TIRAP: variants seen among roughly 807,000 people sequenced by gnomAD.
TIRAP encodes toll/interleukin-1 receptor domain-containing adapter protein.
TIRAP carries 20 observed loss-of-function variants against 19.8 expected under a neutral mutation model. The ratio of observed to expected loss-of-function variants is 1.01; its 90% CI spans 0.71 to 1.47. The LOEUF is 1.47. Ranked by LOEUF, TIRAP falls within the 40% of genes most tolerant of loss-of-function variation. The probability of loss-of-function intolerance (pLI) is 0.00; values close to 1 mark genes in which losing one functional copy is unlikely to be tolerated. For missense variants in TIRAP, 276 were observed against 285.1 expected (o/e 0.97, Z 0.23); for synonymous variants, 125 against 121.7 (o/e 1.03, Z -0.18).
Position 126,290,760 on chromosome 11 carries a change from G to A in TIRAP, c.-92-43G>A, listed in dbSNP as rs1354848681. On this transcript the variant is annotated intron_variant, in intron 2 of 4. Transcript: ENST00000392679. This position sits in a 1 kb window ranked among gnomAD's most constrained non-coding sequence, Gnocchi z 4.9. ...GCTCATCCATGGGGAATGAGAGCAG[G>A]GTAAGTGCAGCCTTTGTGATTCTCT... The A allele has an allele frequency of 2.1e-6, 3 of 1,462,248 alleles. No individual in the cohort carries two copies. Among genetic ancestry groups the A allele is most frequent in the Non-Finnish European group, 2.7e-6 (3 of 1,111,128 alleles). The allele number at this position is 1,462,248 out of a possible 1,614,324, so 90.6% of individuals were successfully genotyped here. A position where few individuals can be genotyped will look rare whatever the true frequency, so the allele number is the denominator to read the frequency against.
intron 1 of TIRAP, among the ~76,000 whole-genome samples, chr11:126,286,805 T>G (rs1388858198): frequency 6.6e-6 from 1 of 152,196 alleles, no homozygotes; most frequent in African/African-American, 2.4e-5. Flanking sequence ...GCCACAAACT[T>G]AGTGGCCTCA....
At position 126,293,868 on chromosome 11, in the gene TIRAP, C is replaced by T. The variant is rs1036978594; in HGVS notation, c.*181C>T. 1.6e-5 allele frequency: 11 copies of T among 688,722 alleles called. No homozygotes were observed. The highest frequency in any genetic ancestry group is 2.5e-5 in the Non-Finnish European group (10 of 392,182). The allele number at this position is 688,722 out of a possible 1,614,324, so 42.7% of individuals were successfully genotyped here. A position where few individuals can be genotyped will look rare whatever the true frequency, so the allele number is the denominator to read the frequency against. The stretch of plus-strand genomic sequence containing the variant: ...CATTACTGTGGGCTCCCTAAGAAGA[C>T]CATGGAGAGCTTGGGGACTCCCCCA... On this transcript the variant is annotated 3_prime_UTR_variant, in exon 5 of 5. Coordinates refer to ENST00000392679, the MANE Select transcript of TIRAP (RefSeq NM_001318777.2).
In TIRAP at chr11:126,290,541, G is replaced by A; in HGVS notation, c.-137G>A. The A allele has an allele frequency of 9.7e-7, 1 of 1,028,656 alleles. No homozygotes were observed. Among genetic ancestry groups the A allele is most frequent in the Admixed American group, 5.8e-5 (1 of 17,328 alleles). The allele number at this position is 1,028,656 out of a possible 1,614,324, so 63.7% of individuals were successfully genotyped here. On this transcript the variant is annotated 5_prime_UTR_variant, in exon 2 of 5. Coordinates refer to ENST00000392679, the MANE Select transcript of TIRAP (RefSeq NM_001318777.2). The surrounding 1 kb of genome is among the most constrained non-coding windows in gnomAD (Gnocchi z 4.9). ...TCCCGAATATCCTCCTGGCCAGGTG[G>A]AGCAGAGAACAGTTCCTCAGCTGGT...
Position 126,292,526 on chromosome 11 carries a change from C to T in TIRAP, c.117C>T (p.Ser39=). 2 of 1,614,022 alleles carry T rather than the reference C, an allele frequency of 1.2e-6. No individual in the cohort carries two copies. Among genetic ancestry groups the T allele is most frequent in the Non-Finnish European group, 1.7e-6 (2 of 1,179,992 alleles). Reference sequence around the variant, plus strand: ...AGAAGCCCAAGAAGAGGCCCAACTCCCCAGAAAGCACCTCCAGCGATGCTT... The same window carrying T: ...AGAAGCCCAAGAAGAGGCCCAACTCTCCAGAAAGCACCTCCAGCGATGCTT... The part of the protein sequence containing the change: ...LLKKPKKRPN[S]PESTSSDASQ... Residue 39 remains serine, a synonymous_variant, in exon 4 of 5, where the codon TCC becomes TCT. Coordinates refer to ENST00000392679, the MANE Select transcript of TIRAP (RefSeq NM_001318777.2).
chr11:126,292,280 G>T (rs994487842), intron 3 of TIRAP, among the ~76,000 whole-genome samples, 197 bp from the exon 4 acceptor site: 2 of 145,196 alleles, frequency 1.4e-5, no homozygotes, highest in Admixed American at 7.1e-5. Flanking sequence ...CTCCAGCCTG[G>T]GTGAGAGTGA....
rs1951329562 is a variant in TIRAP at position 126,287,008 on chromosome 11, A to AACC, written c.-216-3454_-216-3453insACC. On this transcript the variant is annotated intron_variant, in intron 1 of 4. Transcript: ENST00000392679. This position sits in a 1 kb window ranked among gnomAD's most constrained non-coding sequence, Gnocchi z 4.2. ...ACCTTCCTGCCTCCCTCTTGAAAGG[A>AACC]TCTTTGTGGTTACATTAAACTCACC... Among the ~76,000 whole-genome samples the AACC allele has an allele frequency of 6.6e-6, 1 of 152,116 alleles. No individual in the cohort carries two copies. Among genetic ancestry groups the AACC allele is most frequent in the Admixed American group, 6.6e-5 (1 of 15,266 alleles).
intron 1 of TIRAP, among the ~76,000 whole-genome samples, chr11:126,285,243 G>GTGTGTGTGTGTATATA: frequency 6.6e-4 from 71 of 106,976 alleles, no homozygotes; most frequent in African/African-American, 1.9e-3. Flanking sequence ...GTGTGTGTGT[G>GTGTGTGTGTGTATATA]TATATATATA....
Position 126,292,581 on chromosome 11 carries a change from C to A in TIRAP, c.172C>A (p.Pro58Thr). Residue 58 changes from proline (P) to threonine (T), a missense_variant, in exon 4 of 5, where the codon CCC becomes ACC. Physicochemically the swap from Pro to Thr is conservative, Grantham distance 38 (BLOSUM62 -1). Coordinates refer to ENST00000392679, the MANE Select transcript of TIRAP (RefSeq NM_001318777.2). ...GCCTACCTCACAGGACAGCCCACTA[C>A]CCCCAAGCCTCAGCTCAGTCACGTC... Reference protein sequence around the residue: ...SQPTSQDSPLPPSLSSVTSPS... With the variant: ...SQPTSQDSPLTPSLSSVTSPS... The A allele has an allele frequency of 1.9e-6, 3 of 1,614,186 alleles. No homozygotes were observed. Among genetic ancestry groups the A allele is most frequent in the Non-Finnish European group, 2.5e-6 (3 of 1,180,022 alleles).
Position 126,292,475 on chromosome 11 carries a change from A to G in TIRAP, c.68-2A>G. 1 of 1,613,664 alleles carries G rather than the reference A, an allele frequency of 6.2e-7. No individual in the cohort carries two copies. The highest frequency in any genetic ancestry group is 8.5e-7 in the Non-Finnish European group (1 of 1,179,888). ...GGCCTGAGCAGTGTTTCTCCCCCAC[A>G]GACTGGTTCAGGCAGACCCTGCTGA... is the stretch of plus-strand genomic sequence containing the variant. On this transcript the variant is annotated splice_acceptor_variant, in intron 3 of 4. Transcript: ENST00000392679. LOFTEE classifies it high-confidence loss of function.
chr11:126,285,260 T>TAAAA lies in TIRAP; in HGVS notation c.-217+2109_-217+2110insAAAA, dbSNP rs553242305. Among the ~76,000 whole-genome samples the TAAAA allele has an allele frequency of 1.1e-4, 15 of 135,454 alleles. 1 individual carries two copies. The Admixed American group carries it at 1.1e-3, about 10-fold the overall frequency. The allele number at this position is 135,454 out of a possible 152,430, so 88.9% of individuals were successfully genotyped here. A position where few individuals can be genotyped will look rare whatever the true frequency, so the allele number is the denominator to read the frequency against. On this transcript the variant is annotated intron_variant, in intron 1 of 4. Transcript: ENST00000392679. ...GTGTGTGTGTATATATATATATATATAATATATATTTTATTTGATTTTTGA... is the reference window on the plus strand; with the variant it reads ...GTGTGTGTGTATATATATATATATATAAAAAATATATATTTTATTTGATTTTTGA...
At chr11:126,293,542 G>T (rs546213168) in intron 4 of TIRAP, 126 bp from the exon 5 acceptor site, 194 of 1,108,128 alleles carry the variant, frequency 1.8e-4, no homozygotes, top group Non-Finnish European at 2.3e-4. Flanking sequence ...TGTATCTGGG[G>T]AGGGCCATGC....
rs1176586665 is a variant in TIRAP, at chr11:126,292,904, G to T, written c.495G>T (p.Leu165=). The T allele has an allele frequency of 6.2e-7, 1 of 1,613,704 alleles. No individual in the cohort carries two copies. Among genetic ancestry groups the T allele is most frequent in the East Asian group, 2.2e-5 (1 of 44,880 alleles). ...GCAAGTACCAGATGCTGCAGGCCCT[G>T]ACCGAGGCTCCAGGGGCCGAGGGCT... ...PWCKYQMLQA[L]TEAPGAEGCT... is the part of the protein sequence containing the mutation. Residue 165 remains leucine (L), a synonymous_variant, in exon 4 of 5, where the codon CTG becomes CTT. Transcript: ENST00000392679.
Position 126,290,349 on chromosome 11 carries a change from GAA to G in TIRAP, c.-216-110_-216-109del. ...TATTCAGGGGGAGGCAGACTTGGAGGAAAAGTCTCCCAAGATTTCCTGCATGT... is the reference window on the plus strand; with the variant it reads ...TATTCAGGGGGAGGCAGACTTGGAGGAAGTCTCCCAAGATTTCCTGCATGT... On this transcript the variant is annotated intron_variant, in intron 1 of 4. Coordinates refer to ENST00000392679, the MANE Select transcript of TIRAP (RefSeq NM_001318777.2). The surrounding 1 kb of genome is among the most constrained non-coding windows in gnomAD (Gnocchi z 4.9). The G allele has an allele frequency of 3.6e-6, 3 of 836,798 alleles. No individual in the cohort carries two copies. Among genetic ancestry groups the G allele is most frequent in the Non-Finnish European group, 4.3e-6 (3 of 694,486 alleles). 51.8% of individuals were successfully genotyped at this position (836,798 alleles called of 1,614,324 possible). A position where few individuals can be genotyped will look rare whatever the true frequency, so the allele number is the denominator to read the frequency against.
intron 1 of TIRAP, chr11:126,289,845 T>G (rs1013893473): frequency 7.1e-6 from 7 of 985,358 alleles, no homozygotes; most frequent in African/African-American, 3.5e-5. Context: ...CAGGTTGCCT[T>G]TCTAAGGGAT....
Position 126,291,512 on chromosome 11 carries a change from C to A in TIRAP, c.67+551C>A. 1 of 931,388 alleles carries A rather than the reference C, an allele frequency of 1.1e-6. No homozygotes were observed. Among genetic ancestry groups the A allele is most frequent in the Non-Finnish European group, 1.5e-6 (1 of 659,060 alleles). The allele number at this position is 931,388 out of a possible 1,614,324, so 57.7% of individuals were successfully genotyped here. A position where few individuals can be genotyped will look rare whatever the true frequency, so the allele number is the denominator to read the frequency against. ...ACACTGCATTATCTCAGTTAACTTT[C>A]AGCAACTAAGACAGGTCCACAAGTC... On this transcript the variant is annotated intron_variant, in intron 3 of 4. Transcript: ENST00000392679. The surrounding 1 kb of genome is among the most constrained non-coding windows in gnomAD (Gnocchi z 5.6).
chr11:126,293,419 G>A (rs1352750870), intron 4 of TIRAP: 1 of 707,570 alleles, frequency 1.4e-6, no homozygotes, highest in Non-Finnish European at 2.6e-6. Flanking sequence ...ATAGCATTAG[G>A]TTTCTCTGAG....
In TIRAP at chr11:126,290,716, A is replaced by C; in HGVS notation, c.-92-87A>C. On this transcript the variant is annotated intron_variant, in intron 2 of 4. Coordinates refer to ENST00000392679, the MANE Select transcript of TIRAP (RefSeq NM_001318777.2). This position sits in a 1 kb window ranked among gnomAD's most constrained non-coding sequence, Gnocchi z 4.9. ...AGAAGCCTCTGTCAGGCATTAGGAG[A>C]GAAACAGAACTTCGCAGAGCTCATC... 1 of 1,384,966 alleles carries C rather than the reference A, an allele frequency of 7.2e-7. No homozygotes were observed. Among genetic ancestry groups the C allele is most frequent in the Non-Finnish European group, 9.3e-7 (1 of 1,072,922 alleles). The allele number at this position is 1,384,966 out of a possible 1,614,324, so 85.8% of individuals were successfully genotyped here.
chr11:126,289,367 C>T (rs1331034471), intron 1 of TIRAP, among the ~76,000 whole-genome samples: 1 of 152,182 alleles, frequency 6.6e-6, no homozygotes, highest in Admixed American at 6.5e-5. Flanking sequence ...CAACCTCCGC[C>T]TCCAGGTTCA....
At chr11:126,285,927 C>T (rs1226144083) in intron 1 of TIRAP, among the ~76,000 whole-genome samples, 1 of 151,366 alleles carries the variant, frequency 6.6e-6, no homozygotes, top group Admixed American at 6.6e-5. Context: ...TGGTGGCTCA[C>T]GTCTTTAATT....
Sources: allele counts gnomAD v4.1 joint callset (sites outside exome capture counted in the v4.1 genomes callset), GRCh38; gene constraint gnomAD v4.1.1; non-coding constraint Gnocchi (gnomAD v3.1); transcripts MANE v1.5; gene names NCBI Gene and HGNC (gene_info 2026-07-23, HGNC 2026-07-21).